GEMIN5: variants seen among roughly 807,000 people sequenced by gnomAD.
The protein encoded by GEMIN5 is gem nuclear organelle associated protein 5.
Under a neutral mutation model 176.9 loss-of-function variants are expected in GEMIN5, and 124 were observed. The ratio of observed to expected loss-of-function variants is 0.70; its 90% CI spans 0.61 to 0.81. The LOEUF (loss-of-function observed/expected upper bound fraction) is 0.81. GEMIN5 is among the 40% of genes least tolerant of loss of function. GEMIN5 has a pLI of 0.00. For synonymous variants in GEMIN5, 673 were observed against 665.2 expected, an observed-to-expected ratio of 1.01 and a Z score of -0.18; for missense variants, 1,843 against 1,814.6, an observed-to-expected ratio of 1.02 and a Z score of -0.28.
chr5:154,899,192 A>G lies in GEMIN5; in HGVS notation c.3133T>C (p.Cys1045Arg), dbSNP rs763670786. The G allele has an allele frequency of 6.2e-7, 1 of 1,609,946 alleles. No homozygotes were observed. Residue 1045 changes from cysteine (C) to arginine (R), a missense_variant and splice_region_variant, in exon 22 of 28, where the codon TGC becomes CGC. Cys to Arg is a radical substitution (Grantham distance 180). Transcript: ENST00000285873. ...RDGHYAVAAKCYLGATCAYDA... is the reference protein window; with the variant it reads ...RDGHYAVAAKRYLGATCAYDA... ...CATCCCTCCACTCCTCAGGCTTACC[A>G]TTTGGCAGCTACAGCATAGTGGCCA...
Position 154,921,947 on chromosome 5 carries a change from A to G in GEMIN5, c.1380-522T>C, listed in dbSNP as rs553585621. Reference sequence around the variant, plus strand: ...GTGATGTGTCAGTAAAGAATGCTTAACTTTGTAGAAAAAACCAGGCAGCAT... The same window carrying G: ...GTGATGTGTCAGTAAAGAATGCTTAGCTTTGTAGAAAAAACCAGGCAGCAT... On this transcript the variant is annotated intron_variant, in intron 9 of 27. Coordinates refer to ENST00000285873, the MANE Select transcript of GEMIN5 (RefSeq NM_015465.5). 1.2e-4 allele frequency among the ~76,000 whole-genome samples: 18 copies of G among 152,328 alleles called. No individual in the cohort carries two copies. In the South Asian group the frequency reaches 3.5e-3, roughly 30 times the overall value.
intron 14 of GEMIN5, 68 bp downstream of exon 14, chr5:154,912,831 G>T: frequency 2.2e-6 from 3 of 1,369,572 alleles, no homozygotes; most frequent in Non-Finnish European, 3.0e-6. Context: ...TCACAACTGG[G>T]GGAAAAGAAG....
intron 3 of GEMIN5, among the ~76,000 whole-genome samples, chr5:154,932,729 AT>A (rs1764193976): frequency 6.6e-6 from 1 of 152,054 alleles, no homozygotes; most frequent in Non-Finnish European, 1.5e-5. Flanking sequence ...TGCCCAGCTA[AT>A]TTTTGTATTT....
At chr5:154,891,765 C>T in intron 25 of GEMIN5, 23 bp from the exon 26 acceptor site, 1 of 1,549,738 alleles carries the variant, frequency 6.5e-7, no homozygotes, top group Non-Finnish European at 8.7e-7. Context: ...GAAAAAGATA[C>T]TGGGTCATGC....
chr5:154,898,592 C>T lies in GEMIN5; in HGVS notation c.3193G>A (p.Ala1065Thr), dbSNP rs760228422. The T allele has an allele frequency of 6.2e-7, 1 of 1,614,186 alleles. No individual in the cohort carries two copies. The highest frequency in any genetic ancestry group is 8.5e-7 in the Non-Finnish European group (1 of 1,180,004). The change falls in exon 23 of 28, where the codon GCG becomes ACG. Residue 1065 changes from alanine (A) to threonine (T), a missense_variant. Ala to Thr is a moderately conservative substitution (Grantham distance 58). Transcript: ENST00000285873. Reference protein sequence around the residue: ...AAKVLAKKGDAASLRTAAELA... With the variant: ...AAKVLAKKGDTASLRTAAELA... ...TCTGCAGCCGTTCTAAGTGATGCCG[C>T]ATCCCCCTTTTTGGCCAAAACTTTG...
chr5:154,921,554 A>G (rs1763922378), intron 9 of GEMIN5, 129 bp from the exon 10 acceptor site: 1 of 603,478 alleles, frequency 1.7e-6, no homozygotes, highest in African/African-American at 2.0e-5. Context: ...AAATAATTCA[A>G]CAATATCTTG....
chr5:154,917,879 T>A, intron 12 of GEMIN5, 52 bp downstream of exon 12: 1 of 1,147,052 alleles, frequency 8.7e-7, no homozygotes, highest in South Asian at 1.2e-5. Flanking sequence ...CAGCTTGTGA[T>A]CAAATATATG....
At chr5:154,927,990 CAA>C (rs113092116) in intron 6 of GEMIN5, among the ~76,000 whole-genome samples, 7 of 122,602 alleles carry the variant, frequency 5.7e-5, no homozygotes, top group African/African-American at 9.2e-5. Context: ...GACCCTGTTT[CAA>C]AAAAAAAAAA....
In GEMIN5 at chr5:154,931,536, G is replaced by A; in HGVS notation, c.703C>T (p.Pro235Ser). 3 of 1,611,660 alleles carry A rather than the reference G, an allele frequency of 1.9e-6. No individual in the cohort carries two copies. The South Asian group carries it at 3.3e-5, about 18-fold the overall frequency. Residue 235 changes from proline (P) to serine (S), a missense_variant, in exon 5 of 28, where the codon CCA becomes TCA. Pro to Ser is a moderately conservative substitution (Grantham distance 74, BLOSUM62 -1). Coordinates refer to ENST00000285873, the MANE Select transcript of GEMIN5 (RefSeq NM_015465.5). ...ITNGNAVAQAPVTKGCYLATG... is the reference protein window; with the variant it reads ...ITNGNAVAQASVTKGCYLATG... ...GCTAAGTAGCAACCTTTTGTTACTG[G>A]AGCTTGTGCTACAGCATTCCCGTTG...
intron 13 of GEMIN5, among the ~76,000 whole-genome samples, chr5:154,914,486 G>A (rs1186075659): frequency 6.7e-6 from 1 of 150,130 alleles, no homozygotes; most frequent in Non-Finnish European, 1.5e-5. Flanking sequence ...ACTAGAATAT[G>A]GGTGGCTGAT....
chr5:154,935,726 G>A (rs772053052), intron 3 of GEMIN5, 115 bp downstream of exon 3: 4 of 703,740 alleles, frequency 5.7e-6, no homozygotes, highest in Non-Finnish European at 9.6e-6. Flanking sequence ...AGGGGGAGTG[G>A]TTAACATCTG....
intron 14 of GEMIN5, 103 bp downstream of exon 14, chr5:154,912,796 T>C: frequency 1.0e-6 from 1 of 966,326 alleles, no homozygotes; most frequent in South Asian, 1.9e-5. Context: ...CAGTAGATGA[T>C]GATAATGGGG....
Position 154,907,789 on chromosome 5 carries a change from G to T in GEMIN5, c.2197C>A (p.Arg733=). 1 of 1,613,444 alleles carries T rather than the reference G, an allele frequency of 6.2e-7. No individual in the cohort carries two copies. The highest frequency in any genetic ancestry group is 8.5e-7 in the Non-Finnish European group (1 of 1,179,756). Residue 733 remains arginine (R), a synonymous_variant, in exon 16 of 28, where the codon CGG becomes AGG. Transcript: ENST00000285873. The part of the protein sequence containing the change: ...GKKSIELEKK[R]LSQPKAKPKK... ...GGCTTTGCCTTAGGTTGAGAGAGCC[G>T]TTTTTTCTCCAATTCAATACTTTTT...
At chr5:154,928,356 CT>C (rs1452972164) in intron 6 of GEMIN5, among the ~76,000 whole-genome samples, 170 bp downstream of exon 6, 5 of 152,222 alleles carry the variant, frequency 3.3e-5, no homozygotes, top group Non-Finnish European at 5.9e-5. Context: ...CTTATGTGAT[CT>C]TTTTACAGCT....
At chr5:154,895,488 AC>A (rs1763329991) in intron 24 of GEMIN5, among the ~76,000 whole-genome samples, 1 of 152,204 alleles carries the variant, frequency 6.6e-6, no homozygotes, top group Non-Finnish European at 1.5e-5. Flanking sequence ...TGGCACTGAC[AC>A]AGGAGGTGCC....
At chr5:154,913,321 G>C (rs1763745002) in intron 13 of GEMIN5, among the ~76,000 whole-genome samples, 1 of 152,098 alleles carries the variant, frequency 6.6e-6, no homozygotes, top group Non-Finnish European at 1.5e-5. Context: ...AGGCAACATT[G>C]TTAGTTATTA....
chr5:154,899,089 T>C, intron 22 of GEMIN5, 102 bp downstream of exon 22: 1 of 1,137,174 alleles, frequency 8.8e-7, no homozygotes, highest in Non-Finnish European at 1.2e-6. Context: ...AATTCCTTGC[T>C]GCTTTACCTC....
chr5:154,926,406 A>G (rs1441460136), intron 7 of GEMIN5, among the ~76,000 whole-genome samples: 1 of 152,146 alleles, frequency 6.6e-6, no homozygotes, highest in Non-Finnish European at 1.5e-5. Flanking sequence ...AACTCTAAGG[A>G]AGAAGATGGC....
intron 9 of GEMIN5, among the ~76,000 whole-genome samples, chr5:154,924,122 A>G (rs1763979784): frequency 6.6e-6 from 1 of 152,164 alleles, no homozygotes; most frequent in South Asian, 2.1e-4. Context: ...AAGACTCGGA[A>G]CTCTGGTGTG....
Sources: gnomAD v4.1 joint callset for allele counts (sites outside exome capture counted in the v4.1 genomes callset) on GRCh38, gnomAD v4.1.1 for gene constraint, MANE v1.5 for transcripts, NCBI Gene and HGNC (gene_info 2026-07-23, HGNC 2026-07-21) for gene names.